Variants in PKD1L1 observed in about 807,000 individuals in gnomAD.
PKD1L1 encodes polycystin-1-like protein 1.
Under a neutral mutation model 323.4 loss-of-function variants are expected in PKD1L1, and 236 were observed. The observed-to-expected ratio is 0.73, with a 90% CI of 0.66 to 0.81. The LOEUF is 0.81. Among genes scored for constraint, PKD1L1 ranks in the 40% least tolerant of loss-of-function variants. The pLI is 0.00. For synonymous variants in PKD1L1, 1,344 were observed against 1,335.0 expected, an observed-to-expected ratio of 1.01 and a Z score of -0.15; for missense variants, 3,320 against 3,508.0, an observed-to-expected ratio of 0.95 and a Z score of 1.35.
At chr7:47,948,469 C>T (rs200802280), upstream of PKD1L1, 27 of 1,612,634 alleles carry the variant, frequency 1.7e-5, no homozygotes, top group Non-Finnish European at 2.2e-5. Context: ...ACAAGTATGA[C>T]AGTCAGCAGA....
the PKD1L1 span, among the ~76,000 whole-genome samples, chr7:47,957,858 A>ATATATATATATATATATATAT: frequency 1.9e-4 from 9 of 48,078 alleles, no homozygotes; most frequent in Non-Finnish European, 3.4e-4. Context: ...TACAATTAAA[A>ATATATATATATATATATATAT]AAAAATATAT....
At chr7:47,880,284 A>ATTTTTTTTTTTTTTTTTTTT (rs35198089) in intron 21 of PKD1L1, among the ~76,000 whole-genome samples, 1 of 56,782 alleles carries the variant, frequency 1.8e-5, no homozygotes, top group African/African-American at 1.1e-4. Flanking sequence ...ATATATATAT[A>ATTTTTTTTTTTTTTTTTTTT]TTTTTTTTTT....
At chr7:47,933,623 T>C (rs924601503) in intron 4 of PKD1L1, among the ~76,000 whole-genome samples, 3 of 152,180 alleles carry the variant, frequency 2.0e-5, no homozygotes, top group Admixed American at 6.5e-5. Context: ...CTCTTCACCA[T>C]GATCAGCCTT....
intron 13 of PKD1L1, among the ~76,000 whole-genome samples, 162 bp downstream of exon 13, chr7:47,902,217 G>A (rs973625352): frequency 1.3e-5 from 2 of 152,086 alleles, no homozygotes; most frequent in Non-Finnish European, 2.9e-5. Flanking sequence ...CAGGTCACCC[G>A]CTCTGAAGCC....
chr7:47,923,529 T>A (rs1008708843), intron 7 of PKD1L1, among the ~76,000 whole-genome samples: 1 of 151,556 alleles, frequency 6.6e-6, no homozygotes, highest in Non-Finnish European at 1.5e-5. Flanking sequence ...CCCAATAACC[T>A]ATGGAAATAA....
intron 37 of PKD1L1, among the ~76,000 whole-genome samples, chr7:47,836,195 T>TA (rs1785453462): frequency 6.6e-6 from 1 of 152,156 alleles, no homozygotes; most frequent in Non-Finnish European, 1.5e-5. Context: ...TGTTATTGGA[T>TA]CTCTCTGATA....
intron 56 of PKD1L1, among the ~76,000 whole-genome samples, chr7:47,776,861 G>A (rs561603924): frequency 5.3e-5 from 8 of 152,080 alleles, no homozygotes; most frequent in Non-Finnish European, 1.2e-4. Flanking sequence ...GATCCTACTG[G>A]TTGACACTTA....
chr7:47,798,059 C>A (rs1051739903), intron 54 of PKD1L1, among the ~76,000 whole-genome samples: 53 of 152,140 alleles, frequency 3.5e-4, no homozygotes, highest in African/African-American at 1.3e-3. Flanking sequence ...AATCAAAACA[C>A]CAACATGATT....
At chr7:47,931,824 G>T in intron 5 of PKD1L1, 112 bp downstream of exon 5, 1 of 1,343,538 alleles carries the variant, frequency 7.4e-7, no homozygotes, top group Non-Finnish European at 1.0e-6. Context: ...GCAAAATATG[G>T]TTCACTGACA....
In PKD1L1 at chr7:47,830,114, C is replaced by T. The variant is rs1487828053; in HGVS notation, c.6484G>A (p.Glu2162Lys). Residue 2162 changes from glutamate to lysine, a missense_variant, in exon 43 of 57, where the codon GAG becomes AAG. Transcript: ENST00000289672. ...TGFLAYRFGQ[E>K]QCVQWLHLLS... ...AGGTGCAGCCACTGCACACATTGCT[C>T]CTGGCCAAACCTGCCCCCAGGGAAA... The T allele has an allele frequency of 1.2e-6, 2 of 1,613,948 alleles. No homozygotes were observed. Among genetic ancestry groups the T allele is most frequent in the South Asian group, 1.1e-5 (1 of 91,036 alleles).
intron 8 of PKD1L1, among the ~76,000 whole-genome samples, chr7:47,911,936 A>T (rs1030273249): frequency 1.3e-5 from 2 of 152,024 alleles, no homozygotes; most frequent in African/African-American, 2.4e-5. Context: ...AAGAAAAAAA[A>T]AAAAAGAAAG....
At chr7:47,878,663 G>A (rs4720620) in intron 21 of PKD1L1, among the ~76,000 whole-genome samples, 7 of 151,790 alleles carry the variant, frequency 4.6e-5, no homozygotes, top group Non-Finnish European at 8.8e-5. Flanking sequence ...TTTGAGTGAG[G>A]AGTCTTGGGG....
intron 55 of PKD1L1, among the ~76,000 whole-genome samples, chr7:47,793,395 T>C (rs1201893501): frequency 6.6e-6 from 1 of 152,100 alleles, no homozygotes; most frequent in Non-Finnish European, 1.5e-5. Flanking sequence ...GGCTGGTCTT[T>C]CCCGTGCTAT....
At chr7:47,886,524 A>T (rs990831128) in intron 17 of PKD1L1, among the ~76,000 whole-genome samples, 2 of 152,136 alleles carry the variant, frequency 1.3e-5, no homozygotes, top group Non-Finnish European at 2.9e-5. Context: ...GGAGGTGTTT[A>T]GATCATGGGG....
At chr7:47,882,514 C>CAGAGGA (rs1183268391) in intron 19 of PKD1L1, among the ~76,000 whole-genome samples, 5 of 152,004 alleles carry the variant, frequency 3.3e-5, no homozygotes, top group African/African-American at 1.2e-4. Flanking sequence ...GCGGGGTATG[C>CAGAGGA]AGAGGAAGAG....
chr7:47,812,901 C>T (rs1784930859), intron 49 of PKD1L1, among the ~76,000 whole-genome samples: 1 of 152,234 alleles, frequency 6.6e-6, no homozygotes, highest in Non-Finnish European at 1.5e-5. Flanking sequence ...TTTGAAAGAA[C>T]GTTTGCTCTG....
At chr7:47,837,179 A>C in intron 36 of PKD1L1, 85 bp from the exon 37 acceptor site, 1 of 1,462,054 alleles carries the variant, frequency 6.8e-7, no homozygotes, top group Non-Finnish European at 9.4e-7. Context: ...TGATCTTCTG[A>C]GCAGAGACCA....
chr7:47,857,732 T>C lies in PKD1L1; in HGVS notation c.4463A>G (p.Gln1488Arg). The C allele has an allele frequency of 6.2e-7, 1 of 1,614,112 alleles. No homozygotes were observed. The highest frequency in any genetic ancestry group is 8.5e-7 in the Non-Finnish European group (1 of 1,180,032). The part of the protein sequence containing the change: ...QSSVQSLGSV[Q>R]VHLPGDLAGH... ...AGCAAGGTCACCAGGTAAATGCACC[T>C]GGACAGATCCCAGGCTCTGGACAGA... The change falls in exon 28 of 57, where the codon CAG becomes CGG. Residue 1488 changes from glutamine to arginine, a missense_variant. Gln to Arg is a conservative substitution (Grantham distance 43). Coordinates refer to ENST00000289672, the MANE Select transcript of PKD1L1 (RefSeq NM_138295.5).
rs945518781 is a variant in PKD1L1 at position 47,884,761 on chromosome 7, A to G, written c.3206-104T>C. On this transcript the variant is annotated intron_variant, in intron 18 of 56. Coordinates refer to ENST00000289672, the MANE Select transcript of PKD1L1 (RefSeq NM_138295.5). ...GTCACATTGTCCTTGGTGTATTTCTAGACTCCATACATTGCTCTGTGGATT... is the reference window on the plus strand; with the variant it reads ...GTCACATTGTCCTTGGTGTATTTCTGGACTCCATACATTGCTCTGTGGATT... 4.4e-6 allele frequency: 4 copies of G among 903,834 alleles called. No individual in the cohort carries two copies. The South Asian group carries it at 5.7e-5, about 13-fold the overall frequency. 56.0% of individuals were successfully genotyped at this position (903,834 alleles called of 1,614,324 possible). A position where few individuals can be genotyped will look rare whatever the true frequency, so the allele number is the denominator to read the frequency against.
Sources: allele counts gnomAD v4.1 joint callset (sites outside exome capture counted in the v4.1 genomes callset), GRCh38; gene constraint gnomAD v4.1.1; transcripts MANE v1.5; gene names NCBI Gene and HGNC (gene_info 2026-07-23, HGNC 2026-07-21).